GFOD2: variants seen among roughly 807,000 people sequenced by gnomAD.
The protein encoded by GFOD2 is Gfo/Idh/MocA-like oxidoreductase domain containing 2, also known as glucose-fructose oxidoreductase domain-containing protein 2.
In GFOD2, 9 loss-of-function variants were observed where a neutral mutation model predicts 24.6. That is an observed-to-expected ratio of 0.37 (90% CI 0.22 to 0.64). The LOEUF (loss-of-function observed/expected upper bound fraction) is 0.64. Ranked by LOEUF, GFOD2 falls within the 30% of genes least tolerant of loss-of-function variation. GFOD2 has a pLI of 0.65. For missense variants in GFOD2, 476 were observed against 532.5 expected (o/e 0.89, Z 1.04); for synonymous variants, 211 against 224.8 (o/e 0.94, Z 0.55).
chr16:67,709,588 G>C (rs2053459415), intron 1 of GFOD2, among the ~76,000 whole-genome samples: 1 of 152,090 alleles, frequency 6.6e-6, no homozygotes, highest in Admixed American at 6.6e-5. Flanking sequence ...GAAAAGAATG[G>C]TGCTATGAGA....
Position 67,675,657 on chromosome 16 carries a change from C to T in GFOD2, c.656G>A (p.Ser219Asn). 6.2e-7 allele frequency: 1 copy of T among 1,613,434 alleles called. No individual in the cohort carries two copies. Among genetic ancestry groups the T allele is most frequent in the Non-Finnish European group, 8.5e-7 (1 of 1,180,052 alleles). ...AAIRGIRHVT[S>N]DDFCFFQMLM... Reference sequence around the variant, plus strand: ...CATCTGGAAGAAACAGAAGTCATCGCTAGTGACGTGCCGGATGCCACGGAT... The same window carrying T: ...CATCTGGAAGAAACAGAAGTCATCGTTAGTGACGTGCCGGATGCCACGGAT... Residue 219 changes from serine to asparagine, a missense_variant, in exon 3 of 3, where the codon AGC becomes AAC. Transcript: ENST00000268797.
At chr16:67,694,988 T>C (rs2053347396) in intron 1 of GFOD2, among the ~76,000 whole-genome samples, 1 of 99,538 alleles carries the variant, frequency 1.0e-5, no homozygotes, top group Non-Finnish European at 1.9e-5. Flanking sequence ...CATCTCTCTC[T>C]TTTTTTTTTT....
chr16:67,683,982 T>A, intron 2 of GFOD2: 1 of 860,650 alleles, frequency 1.2e-6, no homozygotes, highest in Non-Finnish European at 1.4e-6. Flanking sequence ...TCAATTGGAC[T>A]ATAAAATCTG....
At chr16:67,687,601 A>G (rs1196508234) in intron 1 of GFOD2, among the ~76,000 whole-genome samples, 1 of 149,546 alleles carries the variant, frequency 6.7e-6, no homozygotes, top group East Asian at 1.9e-4. Context: ...AGATCGCGCC[A>G]ATGCACTCCA....
At chr16:67,683,297 T>C (rs2053241827) in intron 2 of GFOD2, 3 of 1,194,346 alleles carry the variant, frequency 2.5e-6, no homozygotes, top group East Asian at 7.2e-5. Context: ...CCCGTATAGC[T>C]TGGAAATGGT....
intron 1 of GFOD2, among the ~76,000 whole-genome samples, chr16:67,697,327 G>A (rs1025504054): frequency 1.3e-5 from 2 of 152,136 alleles, no homozygotes; most frequent in Admixed American, 6.5e-5. Flanking sequence ...TTAGATATGA[G>A]TCAGTACATA....
intron 1 of GFOD2, among the ~76,000 whole-genome samples, chr16:67,709,743 T>C (rs1403937113): frequency 6.6e-6 from 1 of 151,764 alleles, no homozygotes; most frequent in Admixed American, 6.6e-5. Flanking sequence ...GCCCCCTGAG[T>C]AGCTAGGACC....
intron 1 of GFOD2, among the ~76,000 whole-genome samples, chr16:67,701,440 G>A (rs181916769): frequency 2.0e-5 from 3 of 152,256 alleles, no homozygotes; most frequent in Non-Finnish European, 4.4e-5. Flanking sequence ...AACATACTAC[G>A]GATATATGCC....
chr16:67,685,395 C>A, intron 2 of GFOD2, 62 bp downstream of exon 2: 3 of 1,608,524 alleles, frequency 1.9e-6, no homozygotes, highest in Non-Finnish European at 8.5e-7. Flanking sequence ...GAGGAGTGAC[C>A]CTCAGAGGAC....
In GFOD2 at chr16:67,676,031, G is replaced by A. The variant is rs140195756; in HGVS notation, c.282C>T (p.Cys94=). ...KALGIGKNVV[C]EKAATSVDAF... Reference sequence around the variant, plus strand: ...CATCCACCGATGTTGCTGCCTTCTCGCAAACCACATTCTTCCCAATACCTA... The same window carrying A: ...CATCCACCGATGTTGCTGCCTTCTCACAAACCACATTCTTCCCAATACCTA... Residue 94 remains cysteine (C), a synonymous_variant, in exon 3 of 3, where the codon TGC becomes TGT. Transcript: ENST00000268797. 31 of 1,611,024 alleles carry A rather than the reference G, an allele frequency of 1.9e-5. No homozygotes were observed. The highest frequency in any genetic ancestry group is 2.6e-5 in the Non-Finnish European group (31 of 1,178,366).
chr16:67,695,540 T>G (rs984557842), intron 1 of GFOD2, among the ~76,000 whole-genome samples: 1 of 151,242 alleles, frequency 6.6e-6, no homozygotes, highest in Admixed American at 6.6e-5. Flanking sequence ...TTAAGTTTTT[T>G]TTTTTTTTTT....
chr16:67,713,676 C>A (rs1049902931), intron 1 of GFOD2, among the ~76,000 whole-genome samples: 3 of 152,062 alleles, frequency 2.0e-5, no homozygotes, highest in Non-Finnish European at 4.4e-5. Flanking sequence ...GTGCATAGGG[C>A]AAGGTATGGG....
intron 1 of GFOD2, among the ~76,000 whole-genome samples, chr16:67,699,888 T>C (rs2053389274): frequency 6.7e-6 from 1 of 150,214 alleles, no homozygotes. Context: ...AAGACCAGCC[T>C]GGTGAACATG....
chr16:67,704,166 T>C (rs942358824), intron 1 of GFOD2, among the ~76,000 whole-genome samples: 2 of 152,258 alleles, frequency 1.3e-5, no homozygotes, highest in Non-Finnish European at 2.9e-5. Flanking sequence ...GTACAAATTA[T>C]AGTTTTTTGA....
At chr16:67,678,822 G>A (rs1461623949) in intron 2 of GFOD2, among the ~76,000 whole-genome samples, 1 of 152,136 alleles carries the variant, frequency 6.6e-6, no homozygotes, top group East Asian at 1.9e-4. Context: ...CGCCAAGGGA[G>A]GGATTCAGCC....
At chr16:67,686,937 A>G (rs933731406) in intron 1 of GFOD2, among the ~76,000 whole-genome samples, 34 of 151,708 alleles carry the variant, frequency 2.2e-4, no homozygotes, top group African/African-American at 8.2e-4. Context: ...GCTTGAGGTC[A>G]GGAGTTCGAG....
intron 1 of GFOD2, among the ~76,000 whole-genome samples, chr16:67,716,485 C>T (rs1040017808): frequency 6.6e-6 from 1 of 152,202 alleles, no homozygotes; most frequent in African/African-American, 2.4e-5. Context: ...ACAGGTCACA[C>T]CACAGCCGTA....
chr16:67,698,784 T>C (rs921429203), intron 1 of GFOD2, among the ~76,000 whole-genome samples: 1 of 152,126 alleles, frequency 6.6e-6, no homozygotes, highest in African/African-American at 2.4e-5. Flanking sequence ...CGGCCTGCAT[T>C]TTTTTTCTTT....
intron 1 of GFOD2, among the ~76,000 whole-genome samples, chr16:67,708,548 G>A (rs1442483803): frequency 6.6e-6 from 1 of 152,194 alleles, no homozygotes. Context: ...TTCAAAAGGG[G>A]TTCTCCCGTA....
Sources: gnomAD v4.1 joint callset for allele counts (sites outside exome capture counted in the v4.1 genomes callset) on GRCh38, gnomAD v4.1.1 for gene constraint, MANE v1.5 for transcripts, NCBI Gene and HGNC (gene_info 2026-07-23, HGNC 2026-07-21) for gene names.